Variants in VAV2 observed in about 807,000 individuals in gnomAD.
VAV2 encodes the protein guanine nucleotide exchange factor VAV2.
A neutral mutation model predicts 132.5 loss-of-function variants in VAV2; 67 were observed. The ratio of observed to expected loss-of-function variants is 0.51; its 90% CI spans 0.42 to 0.62. The LOEUF (loss-of-function observed/expected upper bound fraction) is 0.62. VAV2 is among the 20% of genes least tolerant of loss of function. The probability of loss-of-function intolerance (pLI) is 0.00; values close to 1 mark genes in which losing one functional copy is unlikely to be tolerated. For synonymous variants in VAV2, 492 were observed against 443.5 expected (o/e 1.11, Z -1.37); for missense variants, 938 against 1,153.6 (o/e 0.81, Z 2.71).
intron 2 of VAV2, among the ~76,000 whole-genome samples, chr9:133,911,062 C>T (rs1839868850): frequency 6.6e-6 from 1 of 152,158 alleles, no homozygotes; most frequent in South Asian, 2.1e-4. Context: ...GCTACATGGG[C>T]TGCAGGAAGC....
rs1428039555 is a variant in VAV2 at position 133,824,226 on chromosome 9, C to T, written c.449+10046G>A. ...ACAGGGAAGGTGCGGACAGGGAGCT[C>T]CCGCCCAGCAGTCCCACAGCCACCT... is the stretch of plus-strand genomic sequence containing the variant. On this transcript the variant is annotated intron_variant, in intron 4 of 29. Coordinates refer to ENST00000371850, the MANE Select transcript of VAV2 (RefSeq NM_001134398.2). This position sits in a 1 kb window ranked among gnomAD's most constrained non-coding sequence, Gnocchi z 5.2. 6.6e-6 allele frequency among the ~76,000 whole-genome samples: 1 copy of T among 152,146 alleles called. No individual in the cohort carries two copies. The highest frequency in any genetic ancestry group is 2.4e-5 in the African/African-American group (1 of 41,420).
chr9:133,940,667 A>G (rs2519803), intron 1 of VAV2, among the ~76,000 whole-genome samples: 95,683 of 134,224 alleles, frequency 0.71, 31,089 homozygotes, highest in East Asian at 0.82. Context: ...CTCTCTGTCC[A>G]CGTGCGTGTG....
intron 1 of VAV2, among the ~76,000 whole-genome samples, chr9:133,942,025 G>T (rs1841181722): frequency 6.6e-6 from 1 of 152,218 alleles, no homozygotes; most frequent in Admixed American, 6.5e-5. Flanking sequence ...TCTTGCTTGG[G>T]AAGACCAGAG....
chr9:133,936,963 T>G (rs910625910), intron 2 of VAV2, among the ~76,000 whole-genome samples: 1 of 152,226 alleles, frequency 6.6e-6, no homozygotes, highest in Non-Finnish European at 1.5e-5. Context: ...ATTTGCAAAC[T>G]GCTTGGCCAC....
intron 4 of VAV2, among the ~76,000 whole-genome samples, chr9:133,822,386 G>T (rs1160333091): frequency 6.6e-6 from 1 of 152,228 alleles, no homozygotes; most frequent in Non-Finnish European, 1.5e-5. Context: ...ATCCCCAGGG[G>T]ACTGGGGTGG....
At position 133,857,031 on chromosome 9, in the gene VAV2, CA is replaced by C. The variant is rs1837411622; in HGVS notation, c.380+4342del. ...TCATGCTCCCAGCCTACAGAAGAGA[CA>C]AAGGTTCCAAGAGCATCCCTGCCCA... is the stretch of plus-strand genomic sequence containing the variant. On this transcript the variant is annotated intron_variant, in intron 3 of 29. Coordinates refer to ENST00000371850, the MANE Select transcript of VAV2 (RefSeq NM_001134398.2). The surrounding 1 kb of genome is among the most constrained non-coding windows in gnomAD (Gnocchi z 4.0). Among the ~76,000 whole-genome samples the C allele has an allele frequency of 6.6e-6, 1 of 152,186 alleles. No individual in the cohort carries two copies. The highest frequency in any genetic ancestry group is 2.4e-5 in the African/African-American group (1 of 41,444).
rs546299024 is a variant in VAV2, at chr9:133,871,595, G to C, written c.322-10163C>G. On this transcript the variant is annotated intron_variant, in intron 2 of 29. Coordinates refer to ENST00000371850, the MANE Select transcript of VAV2 (RefSeq NM_001134398.2). The stretch of plus-strand genomic sequence containing the variant: ...TGAAGTAAGGAGAGAAGAGAGAGAA[G>C]ATGAGCCCCTGACGGCAGCCTCATA... Among the ~76,000 whole-genome samples the C allele has an allele frequency of 2.6e-5, 4 of 152,156 alleles. No individual in the cohort carries two copies. The South Asian group carries it at 8.3e-4, about 32-fold the overall frequency.
intron 3 of VAV2, among the ~76,000 whole-genome samples, chr9:133,858,471 T>A (rs1254346219): frequency 6.6e-6 from 1 of 152,124 alleles, no homozygotes; most frequent in African/African-American, 2.4e-5. Context: ...GCCCGATGTA[T>A]CCTGGCTCCA....
chr9:133,882,225 C>T lies in VAV2; in HGVS notation c.322-20793G>A, dbSNP rs144868415. Among the ~76,000 whole-genome samples the T allele has an allele frequency of 7.2e-3, 1,104 of 152,360 alleles. 15 individuals are homozygous for T. The highest frequency in any genetic ancestry group is 0.025 in the African/African-American group (1,045 of 41,586). On this transcript the variant is annotated intron_variant, in intron 2 of 29. Transcript: ENST00000371850. ...AACAGAAAGCAAGGCAAAGAACATGCTGGGTCCAGACTGAACCCTGCAGTG... is the reference window on the plus strand; with the variant it reads ...AACAGAAAGCAAGGCAAAGAACATGTTGGGTCCAGACTGAACCCTGCAGTG...
Position 133,824,903 on chromosome 9 carries a change from G to A in VAV2, c.449+9369C>T, listed in dbSNP as rs1264996955. Among the ~76,000 whole-genome samples the A allele has an allele frequency of 2.0e-5, 3 of 152,308 alleles. No individual in the cohort carries two copies. The East Asian group carries it at 5.8e-4, about 29-fold the overall frequency. ...TCAGGGCCCGGCCTGCAGCGCTCAGGGAGATGCAACTGGAAGCGTCTTGAC... is the reference window on the plus strand; with the variant it reads ...TCAGGGCCCGGCCTGCAGCGCTCAGAGAGATGCAACTGGAAGCGTCTTGAC... On this transcript the variant is annotated intron_variant, in intron 4 of 29. Coordinates refer to ENST00000371850, the MANE Select transcript of VAV2 (RefSeq NM_001134398.2). The surrounding 1 kb of genome is among the most constrained non-coding windows in gnomAD (Gnocchi z 5.2).
In VAV2 at chr9:133,806,255, C is replaced by G. The variant is rs930257249; in HGVS notation, c.736-74G>C. On this transcript the variant is annotated intron_variant, in intron 8 of 29. Coordinates refer to ENST00000371850, the MANE Select transcript of VAV2 (RefSeq NM_001134398.2). ...AGACGGGAGCGCCGCCCTTAAAGTG[C>G]CCTTGTTGTTCTGTAGTTCCCTCAA... The G allele has an allele frequency of 4.2e-6, 6 of 1,442,338 alleles. No homozygotes were observed. In the African/African-American group the frequency reaches 8.5e-5, roughly 20 times the overall value. The allele number at this position is 1,442,338 out of a possible 1,614,324, so 89.3% of individuals were successfully genotyped here.
chr9:133,921,966 G>A (rs1840311469), intron 2 of VAV2, among the ~76,000 whole-genome samples: 2 of 152,262 alleles, frequency 1.3e-5, no homozygotes, highest in Non-Finnish European at 1.5e-5. Flanking sequence ...CTTGCTTCCC[G>A]GCACCGGCAG....
rs558703536 is a variant in VAV2, at chr9:133,921,915, G to A, written c.321+17188C>T. On this transcript the variant is annotated intron_variant, in intron 2 of 29. Coordinates refer to ENST00000371850, the MANE Select transcript of VAV2 (RefSeq NM_001134398.2). Reference sequence around the variant, plus strand: ...TTCTGATCGTGATGGGACTGGAAGCGAGGGTGGTTCTAATCCCGTTGATGG... The same window carrying A: ...TTCTGATCGTGATGGGACTGGAAGCAAGGGTGGTTCTAATCCCGTTGATGG... Among the ~76,000 whole-genome samples, 7 of 152,386 alleles carry A rather than the reference G, an allele frequency of 4.6e-5. No individual in the cohort carries two copies. The South Asian group carries it at 8.3e-4, about 18-fold the overall frequency.
chr9:133,939,273 T>C, intron 1 of VAV2, 54 bp from the exon 2 acceptor site: 1 of 1,525,074 alleles, frequency 6.6e-7, no homozygotes, highest in Non-Finnish European at 9.1e-7. Flanking sequence ...AACTGTAAGC[T>C]CTGTAAAAAC....
chr9:133,815,521 C>A (rs193107963), intron 4 of VAV2, among the ~76,000 whole-genome samples: 140 of 152,270 alleles, frequency 9.2e-4, no homozygotes, highest in African/African-American at 3.2e-3. Flanking sequence ...CGAGCCTTGT[C>A]TGTAGAATGT....
chr9:133,933,552 TGG>T (rs1840764802), intron 2 of VAV2, among the ~76,000 whole-genome samples: 4 of 146,200 alleles, frequency 2.7e-5, no homozygotes, highest in Admixed American at 6.9e-5. Flanking sequence ...GATGGATGGA[TGG>T]ATGGTGGATG....
chr9:133,809,675 C>T (rs1447514983), intron 6 of VAV2, among the ~76,000 whole-genome samples: 1 of 152,232 alleles, frequency 6.6e-6, no homozygotes, highest in Non-Finnish European at 1.5e-5. Flanking sequence ...AGATGACCCC[C>T]CACCGCCAGC....
chr9:133,787,310 A>G, intron 15 of VAV2, 50 bp from the exon 16 acceptor site: 1 of 1,537,344 alleles, frequency 6.5e-7, no homozygotes, highest in Non-Finnish European at 8.8e-7. Flanking sequence ...GTGAGAGGCT[A>G]AGCCCGGCCC....
intron 1 of VAV2, among the ~76,000 whole-genome samples, chr9:133,989,167 C>T (rs906676182): frequency 1.3e-5 from 2 of 152,116 alleles, no homozygotes; most frequent in African/African-American, 4.8e-5. Flanking sequence ...AGAGAAACCC[C>T]GTCTCTACTA....
Sources: allele counts gnomAD v4.1 joint callset (sites outside exome capture counted in the v4.1 genomes callset), GRCh38; gene constraint gnomAD v4.1.1; non-coding constraint Gnocchi (gnomAD v3.1); transcripts MANE v1.5; gene names NCBI Gene and HGNC (gene_info 2026-07-23, HGNC 2026-07-21).